Variants in LRRC9 observed in about 807,000 individuals in gnomAD.
LRRC9 encodes leucine rich repeat containing 9.
LRRC9 carries 122 observed loss-of-function variants against 63.2 expected under a neutral mutation model. The observed-to-expected ratio is 1.93, with a 90% CI of 1.67 to 2.24. LRRC9 has a LOEUF of 2.24. Ranked by LOEUF, LRRC9 falls within the 30% of genes most tolerant of loss-of-function variation. The probability of loss-of-function intolerance (pLI) is 0.00; values close to 1 mark genes in which losing one functional copy is unlikely to be tolerated. For missense variants in LRRC9, 1,071 were observed against 627.7 expected (o/e 1.71, Z -7.55); for synonymous variants, 366 against 213.1 (o/e 1.72, Z -6.25).
At chr14:60,055,241 T>A (rs1026283660) in intron 30 of LRRC9, among the ~76,000 whole-genome samples, 1 of 152,212 alleles carries the variant, frequency 6.6e-6, no homozygotes, top group Non-Finnish European at 1.5e-5. Flanking sequence ...TATCTACAAA[T>A]TTTTTTCTAA....
At position 59,923,670 on chromosome 14, in the gene LRRC9, G is replaced by A; in HGVS notation, c.-34+3787G>A. ...GATACAGTCAGGCGAGGTGGCTCAC[G>A]CCTGTAGGCTCACGCCTCCCAGCAC... On this transcript the variant is annotated intron_variant, in intron 1 of 31. Transcript: ENST00000445360. The surrounding 1 kb of genome is among the most constrained non-coding windows in gnomAD (Gnocchi z 4.2). Among the ~76,000 whole-genome samples, 1 of 152,156 alleles carries A rather than the reference G, an allele frequency of 6.6e-6. No homozygotes were observed. The highest frequency in any genetic ancestry group is 1.9e-4 in the East Asian group (1 of 5,194).
At chr14:59,973,732 G>A (rs1196718677) in intron 12 of LRRC9, among the ~76,000 whole-genome samples, 1 of 151,952 alleles carries the variant, frequency 6.6e-6, no homozygotes, top group Non-Finnish European at 1.5e-5. Context: ...CCTCAGATGT[G>A]GGAACTGTGG....
At chr14:60,035,103 AT>A (rs57896646) in intron 29 of LRRC9, among the ~76,000 whole-genome samples, 107,172 of 145,714 alleles carry the variant, frequency 0.74, 40,093 homozygotes, top group Non-Finnish European at 0.83. Flanking sequence ...GACTTTGAGC[AT>A]TTTTTTTTTT....
chr14:59,954,969 C>T (rs532431598), intron 8 of LRRC9, among the ~76,000 whole-genome samples: 4 of 152,216 alleles, frequency 2.6e-5, no homozygotes, highest in African/African-American at 7.2e-5. Flanking sequence ...TATGTTGAAC[C>T]GGCCTTGCAT....
rs1361120328 is a variant in LRRC9, at chr14:59,922,300, A to C, written c.-34+2417A>C. Among the ~76,000 whole-genome samples, 1 of 152,110 alleles carries C rather than the reference A, an allele frequency of 6.6e-6. No homozygotes were observed. ...TTTGGCCATTAGAAGGTTATTTTTG[A>C]CCTTGTAGTGGCTTGAGGTGTTCTC... On this transcript the variant is annotated intron_variant, in intron 1 of 31. Transcript: ENST00000445360. The surrounding 1 kb of genome is among the most constrained non-coding windows in gnomAD (Gnocchi z 5.3).
chr14:60,066,321 G>C (rs1424501371), downstream of LRRC9, among the ~76,000 whole-genome samples: 1 of 152,000 alleles, frequency 6.6e-6, no homozygotes, highest in Non-Finnish European at 1.5e-5. Context: ...TATGAAAAGT[G>C]TTTAATGTTT....
At chr14:59,944,481 A>C (rs971381398) in intron 7 of LRRC9, 108 bp from the exon 8 acceptor site, 18 of 419,086 alleles carry the variant, frequency 4.3e-5, no homozygotes, top group Admixed American at 1.7e-4. Context: ...CTAAGCATGC[A>C]AATCATCTAA....
At chr14:60,045,051 CT>C (rs200934262) in intron 29 of LRRC9, among the ~76,000 whole-genome samples, 7,161 of 118,686 alleles carry the variant, frequency 0.06, 200 homozygotes, top group African/African-American at 0.12. Flanking sequence ...CTTTCCTTGT[CT>C]TTTTTTTTTT....
chr14:59,997,713 A>G (rs1249488471), exon 18 of LRRC9: 2 of 702,586 alleles, frequency 2.8e-6, no homozygotes, highest in Admixed American at 4.0e-5. Context: ...TGAGGGATTT[A>G]GAGGTCTGAT....
Position 60,019,265 on chromosome 14 carries a change from T to C in LRRC9, c.3566+5T>C. The C allele has an allele frequency of 1.5e-6, 1 of 680,900 alleles. No homozygotes were observed. The highest frequency in any genetic ancestry group is 2.6e-6 in the Non-Finnish European group (1 of 377,508). The allele number at this position is 680,900 out of a possible 1,614,324, so 42.2% of individuals were successfully genotyped here. ...AGGAATTTCAAAAACAAACAGGTAG[T>C]ATTCTTTATTTTTATGATTATAACT... On this transcript the variant is annotated splice_donor_5th_base_variant and intron_variant, in intron 26 of 31. Transcript: ENST00000445360.
At chr14:59,996,035 C>T (rs535229682) in intron 17 of LRRC9, among the ~76,000 whole-genome samples, 4 of 152,176 alleles carry the variant, frequency 2.6e-5, no homozygotes, top group Admixed American at 1.3e-4. Context: ...CCACCGGGCC[C>T]GGGCAGAAGA....
chr14:59,972,814 A>AC (rs1885669869), intron 12 of LRRC9, among the ~76,000 whole-genome samples: 1 of 152,124 alleles, frequency 6.6e-6, no homozygotes, highest in African/African-American at 2.4e-5. Context: ...AAGTACATCC[A>AC]TTTTTTAAAA....
chr14:59,922,744 G>C lies in LRRC9; in HGVS notation c.-34+2861G>C, dbSNP rs1888891604. Among the ~76,000 whole-genome samples the C allele has an allele frequency of 2.6e-5, 4 of 152,326 alleles. 1 individual carries two copies. In the South Asian group the frequency reaches 8.3e-4, roughly 32 times the overall value. ...GGGGTCAAGATCATCTACTGAGAGAGAGACCTTGAAAAGAGTGGTGAAAGT... is the reference window on the plus strand; with the variant it reads ...GGGGTCAAGATCATCTACTGAGAGACAGACCTTGAAAAGAGTGGTGAAAGT... On this transcript the variant is annotated intron_variant, in intron 1 of 31. Coordinates refer to ENST00000445360, the Ensembl canonical transcript of LRRC9. This position sits in a 1 kb window ranked among gnomAD's most constrained non-coding sequence, Gnocchi z 5.3.
chr14:60,030,965 C>A, intron 28 of LRRC9, among the ~76,000 whole-genome samples: 1 of 151,974 alleles, frequency 6.6e-6, no homozygotes, highest in East Asian at 1.9e-4. Context: ...GTCTATTTCC[C>A]ATATTAACAT....
At chr14:60,016,676 A>T (rs1021463361) in exon 24 of LRRC9, 10 of 699,742 alleles carry the variant, frequency 1.4e-5, no homozygotes, top group Non-Finnish European at 2.6e-5. Context: ...TCAGAGACTG[A>T]CAGTGCAAAA....
rs548500138 is a variant in LRRC9 at position 60,051,696 on chromosome 14, TC to T, written c.3991-1368del. Among the ~76,000 whole-genome samples, 380 of 152,320 alleles carry T rather than the reference TC, an allele frequency of 2.5e-3. 1 individual carries two copies. Among genetic ancestry groups the T allele is most frequent in the African/African-American group, 8.5e-3 (353 of 41,564 alleles). Reference sequence around the variant, plus strand: ...CTTCCTAGGGGAATGTACAGACAGATCTACTGCCTTGCCAGAATCCCGGCGC... The same window carrying T: ...CTTCCTAGGGGAATGTACAGACAGATTACTGCCTTGCCAGAATCCCGGCGC... On this transcript the variant is annotated intron_variant, in intron 29 of 31. Coordinates refer to ENST00000445360, the Ensembl canonical transcript of LRRC9. The surrounding 1 kb of genome is among the most constrained non-coding windows in gnomAD (Gnocchi z 4.7).
At chr14:59,925,496 G>C (rs1594798539) in intron 1 of LRRC9, among the ~76,000 whole-genome samples, 1 of 152,148 alleles carries the variant, frequency 6.6e-6, no homozygotes, top group Non-Finnish European at 1.5e-5. Flanking sequence ...ATTTGGAAGG[G>C]GAGGAGCCCT....
chr14:60,059,563 A>G, intron 31 of LRRC9, among the ~76,000 whole-genome samples: 1 of 152,252 alleles, frequency 6.6e-6, no homozygotes, highest in East Asian at 1.9e-4. Context: ...CAAGGAACAC[A>G]TGGATAAGAA....
rs920013797 is a variant in LRRC9 at position 59,990,170 on chromosome 14, G to T, written c.2211+4946G>T. On this transcript the variant is annotated intron_variant, in intron 17 of 31. Coordinates refer to ENST00000445360, the Ensembl canonical transcript of LRRC9. The surrounding 1 kb of genome is among the most constrained non-coding windows in gnomAD (Gnocchi z 4.2). The stretch of plus-strand genomic sequence containing the variant: ...TTGAACTCCCGACTTCAGGTGATCT[G>T]CCCGCCTCGACCTCCCAAAGTGCTG... Among the ~76,000 whole-genome samples the T allele has an allele frequency of 3.9e-5, 6 of 152,066 alleles. No individual in the cohort carries two copies. The highest frequency in any genetic ancestry group is 3.4e-3 in the Middle Eastern group (1 of 294).
Sources: gnomAD v4.1 joint callset for allele counts (sites outside exome capture counted in the v4.1 genomes callset) on GRCh38, gnomAD v4.1.1 for gene constraint, Gnocchi (gnomAD v3.1) non-coding constraint, MANE v1.5 for transcripts, NCBI Gene and HGNC (gene_info 2026-07-23, HGNC 2026-07-21) for gene names.